The following VPS13B variants were observed in gnomAD, a reference collection of about 807,000 sequenced individuals.
The protein encoded by VPS13B is vacuolar protein sorting 13 homolog B, also known as intermembrane lipid transfer protein VPS13B.
VPS13B carries 285 observed loss-of-function variants against 426.4 expected under a neutral mutation model. The observed-to-expected ratio is 0.67, with a 90% CI of 0.61 to 0.74. The LOEUF is 0.74. Among genes scored for constraint, VPS13B ranks in the 30% least tolerant of loss-of-function variants. The pLI, the probability that VPS13B is intolerant of heterozygous loss-of-function variation, is 0.00. For missense variants in VPS13B, 4,537 were observed against 4,782.6 expected (o/e 0.95, Z 1.51); for synonymous variants, 1,676 against 1,676.4 (o/e 1.00, Z 0.01).
intron 21 of VPS13B, among the ~76,000 whole-genome samples, chr8:99,403,506 G>A (rs991256342): frequency 8.1e-5 from 12 of 148,622 alleles, no homozygotes; most frequent in Admixed American, 2.0e-4. Context: ...CCGAGATTGC[G>A]TCACTGCACT....
At chr8:99,253,039 C>G (rs1817579194) in intron 17 of VPS13B, among the ~76,000 whole-genome samples, 1 of 152,066 alleles carries the variant, frequency 6.6e-6, no homozygotes, top group Non-Finnish European at 1.5e-5. Context: ...TACTTAGTGT[C>G]TCTGTGGAAT....
intron 17 of VPS13B, among the ~76,000 whole-genome samples, chr8:99,207,114 A>G (rs1432152022): frequency 1.3e-5 from 2 of 152,136 alleles, no homozygotes; most frequent in African/African-American, 2.4e-5. Context: ...ATTGAATTTA[A>G]AGTTTCCATT....
chr8:99,335,752 C>T (rs1337917965), intron 19 of VPS13B, among the ~76,000 whole-genome samples: 1 of 152,226 alleles, frequency 6.6e-6, no homozygotes, highest in East Asian at 1.9e-4. Flanking sequence ...CATGAGTGAA[C>T]TCCCACTCAC....
chr8:99,333,410 C>T (rs1006136972), intron 19 of VPS13B, among the ~76,000 whole-genome samples: 4 of 151,660 alleles, frequency 2.6e-5, no homozygotes, highest in Non-Finnish European at 5.9e-5. Context: ...CTCAGTTTTC[C>T]TTAATGATAA....
chr8:99,800,015 A>G (rs1813041612), intron 43 of VPS13B, among the ~76,000 whole-genome samples: 1 of 152,110 alleles, frequency 6.6e-6, no homozygotes, highest in Admixed American at 6.6e-5. Flanking sequence ...TAACTCTCCC[A>G]CTGAAGAATT....
At chr8:99,334,825 T>C (rs1287192403) in intron 19 of VPS13B, among the ~76,000 whole-genome samples, 1 of 152,170 alleles carries the variant, frequency 6.6e-6, no homozygotes, top group African/African-American at 2.4e-5. Context: ...TTCTCTTTTT[T>C]GGTTGTGTCT....
At chr8:99,451,328 A>G (rs775914920) in intron 23 of VPS13B, among the ~76,000 whole-genome samples, 2 of 151,872 alleles carry the variant, frequency 1.3e-5, no homozygotes, top group Non-Finnish European at 2.9e-5. Flanking sequence ...AATTTCCCTT[A>G]TTTGTCCCAT....
chr8:99,148,954 T>G (rs2132601357), intron 14 of VPS13B, among the ~76,000 whole-genome samples: 1 of 152,338 alleles, frequency 6.6e-6, no homozygotes, highest in East Asian at 1.9e-4. Context: ...CATGGCCGCC[T>G]CTCTCAAGAT....
intron 3 of VPS13B, among the ~76,000 whole-genome samples, chr8:99,087,924 C>T (rs573854088): frequency 4.6e-5 from 7 of 152,084 alleles, no homozygotes; most frequent in South Asian, 4.2e-4. Flanking sequence ...TGGCTCATGT[C>T]GGTAAACCCA....
rs544114488 is a variant in VPS13B at position 99,744,129 on chromosome 8, G to GA, written c.7051-22637dup. On this transcript the variant is annotated intron_variant, in intron 39 of 61. Transcript: ENST00000357162. ...ACAAAGAACTCAGACAAATTTACAA[G>GA]AAAAAAAACCCATCAAAAAGTGGGT... 8.6e-3 allele frequency among the ~76,000 whole-genome samples: 1,303 copies of GA among 151,514 alleles called. 18 individuals carry two copies. The highest frequency in any genetic ancestry group is 0.029 in the African/African-American group (1,187 of 41,308).
intron 14 of VPS13B, among the ~76,000 whole-genome samples, chr8:99,155,660 A>G (rs1811324290): frequency 1.3e-5 from 2 of 152,240 alleles, no homozygotes; most frequent in South Asian, 4.1e-4. Context: ...CTTAGTTTTA[A>G]GCACAGTGAT....
rs777953652 is a variant in VPS13B, at chr8:99,467,462, C to T, written c.3494C>T (p.Thr1165Ile). The T allele has an allele frequency of 1.9e-6, 3 of 1,613,698 alleles. No individual in the cohort carries two copies. In the East Asian group the frequency reaches 6.7e-5, roughly 36 times the overall value. Residue 1165 changes from threonine to isoleucine, a missense_variant, in exon 24 of 62, where the codon ACC (threonine) becomes ATC (isoleucine). Coordinates refer to ENST00000357162, the MANE Select transcript of VPS13B (RefSeq NM_152564.5). Reference sequence around the variant, plus strand: ...AGCTTGCATAATTTCAGCATATATACCCTTCTTGGAAAACAAGTGACACTT... The same window carrying T: ...AGCTTGCATAATTTCAGCATATATATCCTTCTTGGAAAACAAGTGACACTT... ...TISLHNFSIYTLLGKQVTLCL... is the reference protein window; with the variant it reads ...TISLHNFSIYILLGKQVTLCL...
At chr8:99,060,445 CT>C (rs1844119916) in intron 3 of VPS13B, among the ~76,000 whole-genome samples, 1 of 151,936 alleles carries the variant, frequency 6.6e-6, no homozygotes, top group Non-Finnish European at 1.5e-5. Flanking sequence ...CCCATCTCTA[CT>C]AAAAATACAA....
chr8:99,594,530 T>C (rs1826892438), intron 33 of VPS13B, among the ~76,000 whole-genome samples: 1 of 152,004 alleles, frequency 6.6e-6, no homozygotes, highest in Non-Finnish European at 1.5e-5. Context: ...TTGCCCAAGA[T>C]CCTTCTCCTG....
At chr8:99,740,351 T>C (rs1296818323) in intron 39 of VPS13B, among the ~76,000 whole-genome samples, 1 of 152,228 alleles carries the variant, frequency 6.6e-6, no homozygotes, top group African/African-American at 2.4e-5. Flanking sequence ...GTCTGACTGG[T>C]GTACCTAAAA....
chr8:99,543,425 C>A (rs1588479496), intron 30 of VPS13B, among the ~76,000 whole-genome samples: 1 of 151,354 alleles, frequency 6.6e-6, no homozygotes, highest in Non-Finnish European at 1.5e-5. Flanking sequence ...GTCTAAAACA[C>A]CAAAAGCAAT....
chr8:99,608,507 A>G (rs1376957643), intron 33 of VPS13B, among the ~76,000 whole-genome samples: 1 of 152,110 alleles, frequency 6.6e-6, no homozygotes, highest in East Asian at 1.9e-4. Flanking sequence ...ACATCATACA[A>G]TGTGCACATT....
chr8:99,728,729 A>C (rs1183242816), intron 39 of VPS13B, among the ~76,000 whole-genome samples: 1 of 152,194 alleles, frequency 6.6e-6, no homozygotes, highest in African/African-American at 2.4e-5. Context: ...TAGTATGTCG[A>C]CTACAGTTCT....
intron 8 of VPS13B, among the ~76,000 whole-genome samples, chr8:99,127,792 A>G (rs1275599992): frequency 6.6e-6 from 1 of 151,892 alleles, no homozygotes; most frequent in East Asian, 1.9e-4. Context: ...TGAATTTATT[A>G]TATGTTGATG....
Sources: gnomAD v4.1 joint callset for allele counts (sites outside exome capture counted in the v4.1 genomes callset) on GRCh38, gnomAD v4.1.1 for gene constraint, MANE v1.5 for transcripts, NCBI Gene and HGNC (gene_info 2026-07-23, HGNC 2026-07-21) for gene names.